SPAG16: variants seen among roughly 807,000 people sequenced by gnomAD.
SPAG16 encodes the protein sperm-associated antigen 16 protein.
Under a neutral mutation model 80.4 loss-of-function variants are expected in SPAG16, and 86 were observed. The ratio of observed to expected loss-of-function variants is 1.07; its 90% confidence interval spans 0.90 to 1.28. The LOEUF is 1.28. Ranked by LOEUF, SPAG16 falls within the 50% of genes most tolerant of loss-of-function variation. The pLI, the probability that SPAG16 is intolerant of heterozygous loss-of-function variation, is 0.00. For missense variants in SPAG16, 870 were observed against 765.3 expected, an observed-to-expected ratio of 1.14 and a Z score of -1.61; for synonymous variants, 294 against 265.9, an observed-to-expected ratio of 1.11 and a Z score of -1.03.
At chr2:214,356,726 C>T (rs559041813) in intron 15 of SPAG16, among the ~76,000 whole-genome samples, 19 of 151,892 alleles carry the variant, frequency 1.3e-4, no homozygotes, top group Admixed American at 2.0e-4. Flanking sequence ...ATTTATCTCA[C>T]GCCACAGTTT....
In SPAG16 at chr2:214,360,029, A is replaced by G. The variant is rs529305005; in HGVS notation, c.1721-50111A>G. Among the ~76,000 whole-genome samples, 7 of 151,992 alleles carry G rather than the reference A, an allele frequency of 4.6e-5. No homozygotes were observed. The East Asian group carries it at 5.8e-4, about 13-fold the overall frequency. On this transcript the variant is annotated intron_variant, in intron 15 of 15. Transcript: ENST00000331683. ...AAACAAGGTGGAAGTTATCCTCTCA[A>G]CTAAACTTGTTGAACAGAACTTGGT...
chr2:213,490,897 AT>A (rs1395999706), intron 10 of SPAG16, among the ~76,000 whole-genome samples: 3 of 152,166 alleles, frequency 2.0e-5, no homozygotes, highest in Non-Finnish European at 4.4e-5. Context: ...AGGAGGACTA[AT>A]GACTCAGAAG....
intron 12 of SPAG16, among the ~76,000 whole-genome samples, chr2:213,983,240 C>T (rs2045852325): frequency 6.6e-6 from 1 of 151,846 alleles, no homozygotes. Flanking sequence ...ATATACCAAT[C>T]ATTTTCAGGT....
intron 10 of SPAG16, among the ~76,000 whole-genome samples, chr2:213,691,155 C>T (rs1350486839): frequency 6.6e-6 from 1 of 152,132 alleles, no homozygotes; most frequent in Non-Finnish European, 1.5e-5. Flanking sequence ...TAAGCCTAAT[C>T]ACCCTACTTA....
At chr2:213,352,569 G>T (rs937766280) in intron 7 of SPAG16, among the ~76,000 whole-genome samples, 1 of 152,170 alleles carries the variant, frequency 6.6e-6, no homozygotes, top group African/African-American at 2.4e-5. Context: ...AAAGAGCTAA[G>T]AACTGGGAAT....
chr2:213,961,160 A>G (rs983613009), intron 12 of SPAG16, among the ~76,000 whole-genome samples: 2 of 152,156 alleles, frequency 1.3e-5, no homozygotes, highest in African/African-American at 2.4e-5. Context: ...TGCGATTACA[A>G]TTGTTGTTTA....
intron 10 of SPAG16, among the ~76,000 whole-genome samples, chr2:213,517,004 A>G (rs563196561): frequency 1.3e-5 from 2 of 152,324 alleles, no homozygotes; most frequent in East Asian, 3.8e-4. Flanking sequence ...AGGCATTGAA[A>G]TAGGAAAATA....
intron 15 of SPAG16, among the ~76,000 whole-genome samples, chr2:214,163,787 G>A (rs185074811): frequency 2.6e-4 from 40 of 151,864 alleles, no homozygotes; most frequent in Admixed American, 1.2e-3. Flanking sequence ...GAGTCCACAG[G>A]TAGTATAGAA....
intron 5 of SPAG16, among the ~76,000 whole-genome samples, chr2:213,329,119 T>A (rs1035710236): frequency 3.9e-5 from 6 of 152,188 alleles, no homozygotes; most frequent in Non-Finnish European, 8.8e-5. Flanking sequence ...TTCTTCCCAG[T>A]CTCAGGTATG....
chr2:214,233,451 A>G (rs1688849600), intron 15 of SPAG16, among the ~76,000 whole-genome samples: 1 of 152,074 alleles, frequency 6.6e-6, no homozygotes, highest in Non-Finnish European at 1.5e-5. Flanking sequence ...CAATAAAACT[A>G]GGATATTTGA....
rs149176293 is a variant in SPAG16 at position 213,976,560 on chromosome 2, T to C, written c.1401-37391T>C. Reference sequence around the variant, plus strand: ...ATTAACCTAGATTATATAAGAGTATTGGTGGGATGTAGGGTATGATCATGT... The same window carrying C: ...ATTAACCTAGATTATATAAGAGTATCGGTGGGATGTAGGGTATGATCATGT... On this transcript the variant is annotated intron_variant, in intron 12 of 15. Coordinates refer to ENST00000331683, the MANE Select transcript of SPAG16 (RefSeq NM_024532.5). Among the ~76,000 whole-genome samples, 287 of 152,104 alleles carry C rather than the reference T, an allele frequency of 1.9e-3. 1 individual carries two copies. The highest frequency in any genetic ancestry group is 6.5e-3 in the African/African-American group (272 of 41,536).
intron 10 of SPAG16, among the ~76,000 whole-genome samples, chr2:213,625,881 G>A (rs1486205944): frequency 6.6e-6 from 1 of 151,806 alleles, no homozygotes; most frequent in Admixed American, 6.6e-5. Flanking sequence ...ATAGAGACGG[G>A]GTTTCATCAG....
At chr2:213,290,356 A>G (rs2062221856) in intron 1 of SPAG16, among the ~76,000 whole-genome samples, 1 of 152,194 alleles carries the variant, frequency 6.6e-6, no homozygotes, top group African/African-American at 2.4e-5. Flanking sequence ...CTTGGATGGT[A>G]CTGTGGGCTG....
intron 13 of SPAG16, among the ~76,000 whole-genome samples, chr2:214,081,404 T>A (rs1252238210): frequency 6.6e-6 from 1 of 152,172 alleles, no homozygotes; most frequent in East Asian, 1.9e-4. Flanking sequence ...GCAGATGTAA[T>A]TACTTAAGAT....
chr2:214,260,426 CTTCTCCG>C (rs1263170798), intron 15 of SPAG16, among the ~76,000 whole-genome samples: 9 of 151,808 alleles, frequency 5.9e-5, no homozygotes, highest in African/African-American at 2.2e-4. Context: ...AATTTGGTAT[CTTCTCCG>C]TTTTCTTCCC....
rs544367894 is a variant in SPAG16, at chr2:214,267,456, A to AAAAT, written c.1720+118192_1720+118195dup. Among the ~76,000 whole-genome samples the AAAAT allele has an allele frequency of 3.9e-3, 597 of 151,994 alleles. 6 individuals carry two copies. The highest frequency in any genetic ancestry group is 0.013 in the African/African-American group (554 of 41,560). ...CTGGATATTCATATACAGAAGAATA[A>AAAAT]AAATAGGCTCTTATTTCAAACCTTG... On this transcript the variant is annotated intron_variant, in intron 15 of 15. Transcript: ENST00000331683.
intron 15 of SPAG16, among the ~76,000 whole-genome samples, chr2:214,153,035 A>G (rs1281140163): frequency 6.6e-6 from 1 of 152,068 alleles, no homozygotes; most frequent in Non-Finnish European, 1.5e-5. Context: ...GGCAAGCCTG[A>G]CTAGTGTCAG....
At position 213,689,346 on chromosome 2, in the gene SPAG16, A is replaced by T. The variant is rs956242549; in HGVS notation, c.1071-173139A>T. Among the ~76,000 whole-genome samples the T allele has an allele frequency of 2.0e-5, 3 of 151,936 alleles. No individual in the cohort carries two copies. In the South Asian group the frequency reaches 6.2e-4, roughly 31 times the overall value. ...CTCTTCACATGGTTCAGATTTTCCAATTTCTTTGTGTATTGTTAATTTTTG... is the reference window on the plus strand; with the variant it reads ...CTCTTCACATGGTTCAGATTTTCCATTTTCTTTGTGTATTGTTAATTTTTG... On this transcript the variant is annotated intron_variant, in intron 10 of 15. Transcript: ENST00000331683.
At chr2:213,525,241 C>T (rs1304981857) in intron 10 of SPAG16, among the ~76,000 whole-genome samples, 3 of 151,558 alleles carry the variant, frequency 2.0e-5, no homozygotes, top group East Asian at 3.9e-4. Context: ...GAGGCCTCCC[C>T]AGCCCTGTGG....
Sources: allele counts gnomAD v4.1 joint callset (sites outside exome capture counted in the v4.1 genomes callset), GRCh38; gene constraint gnomAD v4.1.1; transcripts MANE v1.5; gene names NCBI Gene and HGNC (gene_info 2026-07-23, HGNC 2026-07-21).